The following CCDC7 variants were observed in gnomAD, a reference collection of about 807,000 sequenced individuals.
CCDC7 encodes coiled-coil domain-containing protein 7.
Under a neutral mutation model 196.9 loss-of-function variants are expected in CCDC7, and 183 were observed. The observed-to-expected ratio is 0.93, with a 90% CI of 0.82 to 1.05. CCDC7 has a LOEUF of 1.05. Ranked by LOEUF, CCDC7 falls within the 50% of genes least tolerant of loss-of-function variation. The pLI, the probability that CCDC7 is intolerant of heterozygous loss-of-function variation, is 0.00. For missense variants in CCDC7, 1,540 were observed against 1,482.2 expected (o/e 1.04, Z -0.64); for synonymous variants, 525 against 484.6 (o/e 1.08, Z -1.10).
chr10:32,779,204 G>A (rs2080627784), intron 29 of CCDC7, 120 bp downstream of exon 30: 2 of 709,544 alleles, frequency 2.8e-6, no homozygotes. Context: ...CTCAACTTAA[G>A]TTCATTCTAC....
intron 13 of CCDC7, among the ~76,000 whole-genome samples, chr10:32,557,791 A>G (rs1289659957): frequency 6.6e-6 from 1 of 152,134 alleles, no homozygotes; most frequent in Non-Finnish European, 1.5e-5. Flanking sequence ...TCCTGGGCTC[A>G]AATGATCCTC....
chr10:32,518,545 A>G (rs762240270), intron 11 of CCDC7, 40 bp downstream of exon 12: 2 of 1,518,394 alleles, frequency 1.3e-6, no homozygotes, highest in East Asian at 2.3e-5. Context: ...CATACACCTA[A>G]TAAGGCTTAT....
At chr10:32,459,987 G>A (rs1306051168) in intron 3 of CCDC7, among the ~76,000 whole-genome samples, 1 of 152,014 alleles carries the variant, frequency 6.6e-6, no homozygotes, top group East Asian at 1.9e-4. Context: ...ATGGCTTTGG[G>A]ACAACTGGTT....
chr10:32,677,169 A>G (rs1388944778), intron 21 of CCDC7, among the ~76,000 whole-genome samples: 3 of 140,486 alleles, frequency 2.1e-5, no homozygotes, highest in Non-Finnish European at 4.6e-5. Flanking sequence ...GAACAATGAG[A>G]ACACATGGAC....
intron 24 of CCDC7, among the ~76,000 whole-genome samples, chr10:32,698,466 G>T (rs1349175345): frequency 1.3e-5 from 2 of 152,132 alleles, no homozygotes; most frequent in Non-Finnish European, 2.9e-5. Context: ...AAAAAGATTA[G>T]AAGACTGGCT....
intron 13 of CCDC7, among the ~76,000 whole-genome samples, chr10:32,559,672 A>G (rs1426359595): frequency 6.6e-6 from 1 of 152,198 alleles, no homozygotes; most frequent in Non-Finnish European, 1.5e-5. Context: ...ACCCATCTGT[A>G]TGTCACCATC....
intron 33 of CCDC7, among the ~76,000 whole-genome samples, chr10:32,841,459 C>T (rs921105786): frequency 7.2e-5 from 11 of 151,848 alleles, no homozygotes; most frequent in African/African-American, 2.4e-4. Flanking sequence ...TAACCAAGGA[C>T]GTGAAAGACC....
At chr10:32,870,092 C>T (rs1015596452) in intron 41 of CCDC7, among the ~76,000 whole-genome samples, 1 of 151,952 alleles carries the variant, frequency 6.6e-6, no homozygotes, top group Non-Finnish European at 1.5e-5. Context: ...TTTTTTGGTG[C>T]CATATGAACT....
At chr10:32,524,113 G>T (rs529000850) in intron 11 of CCDC7, among the ~76,000 whole-genome samples, 4 of 141,102 alleles carry the variant, frequency 2.8e-5, no homozygotes, top group Admixed American at 2.1e-4. Flanking sequence ...CTGGTGGTTT[G>T]CTTTAATTTC....
At position 32,595,832 on chromosome 10, in the gene CCDC7, T is replaced by C. The variant is rs547867999; in HGVS notation, c.1801+11528T>C. ...AGTCATTCAGAAGCAGGTTGTTCAG[T>C]TTCCGTGTAGTTGAGTGGTTTTGAG... On this transcript the variant is annotated intron_variant, in intron 18 of 41. Transcript: ENST00000639629. 2.0e-5 allele frequency among the ~76,000 whole-genome samples: 3 copies of C among 152,352 alleles called. No homozygotes were observed. The South Asian group carries it at 6.2e-4, about 32-fold the overall frequency.
intron 20 of CCDC7, among the ~76,000 whole-genome samples, chr10:32,660,712 C>T (rs1027830335): frequency 1.1e-4 from 16 of 148,728 alleles, no homozygotes; most frequent in Admixed American, 6.7e-4. Flanking sequence ...CTGAGAAAAA[C>T]AAGCAATGGG....
intron 20 of CCDC7, 30 bp from the exon 22 acceptor site, chr10:32,664,024 T>C (rs1336201088): frequency 2.5e-6 from 1 of 394,636 alleles, no homozygotes; most frequent in Non-Finnish European, 4.5e-6. Flanking sequence ...TAGTTTATGT[T>C]TAGTGCACTA....
At chr10:32,779,842 A>G (rs1371264039) in intron 29 of CCDC7, among the ~76,000 whole-genome samples, 1 of 152,234 alleles carries the variant, frequency 6.6e-6, no homozygotes, top group Non-Finnish European at 1.5e-5. Flanking sequence ...TCAAATGGTA[A>G]GAAAGTTTTG....
intron 13 of CCDC7, among the ~76,000 whole-genome samples, chr10:32,550,736 C>T (rs1380091932): frequency 6.6e-6 from 1 of 152,072 alleles, no homozygotes; most frequent in African/African-American, 2.4e-5. Flanking sequence ...CCCTGCATCC[C>T]TGGTATGAAA....
intron 33 of CCDC7, among the ~76,000 whole-genome samples, chr10:32,842,744 A>G (rs377106749): frequency 6.6e-6 from 1 of 152,194 alleles, no homozygotes; most frequent in East Asian, 1.9e-4. Flanking sequence ...TGTATATACT[A>G]TGGAATACTA....
chr10:32,569,877 T>G (rs772868882), intron 15 of CCDC7, among the ~76,000 whole-genome samples: 7 of 152,210 alleles, frequency 4.6e-5, no homozygotes, highest in Non-Finnish European at 7.3e-5. Context: ...TTGATTTTCC[T>G]TGTATATTTT....
chr10:32,811,392 A>C (rs2087071430), intron 30 of CCDC7, among the ~76,000 whole-genome samples: 1 of 152,116 alleles, frequency 6.6e-6, no homozygotes, highest in South Asian at 2.1e-4. Context: ...AAACTGGAAA[A>C]TCTAGAGGAA....
chr10:32,471,126 A>G (rs1344623150), exon 6 of CCDC7: 8 of 1,612,670 alleles, frequency 5.0e-6, no homozygotes, highest in Non-Finnish European at 6.8e-6. Context: ...CAGTCATTTT[A>G]AATATTGCAG....
At chr10:32,841,679 A>G (rs980719511) in intron 33 of CCDC7, among the ~76,000 whole-genome samples, 1 of 152,102 alleles carries the variant, frequency 6.6e-6, no homozygotes, top group African/African-American at 2.4e-5. Flanking sequence ...AAAAGAATAA[A>G]TCTGAAGGGA....
Sources: allele counts gnomAD v4.1 joint callset (sites outside exome capture counted in the v4.1 genomes callset), GRCh38; gene constraint gnomAD v4.1.1; transcripts MANE v1.5; gene names NCBI Gene and HGNC (gene_info 2026-07-23, HGNC 2026-07-21).